PCDHGB7: variants seen among roughly 807,000 people sequenced by gnomAD.
PCDHGB7 encodes the protein protocadherin gamma-B7.
Under a neutral mutation model 61.4 loss-of-function variants are expected in PCDHGB7, and 37 were observed. The ratio of observed to expected loss-of-function variants is 0.60; its 90% CI spans 0.46 to 0.79. The LOEUF (loss-of-function observed/expected upper bound fraction) is 0.79. Ranked by LOEUF, PCDHGB7 falls within the 30% of genes least tolerant of loss-of-function variation. The probability of loss-of-function intolerance (pLI) is 0.00; values close to 1 mark genes in which losing one functional copy is unlikely to be tolerated. For synonymous variants in PCDHGB7, 464 were observed against 503.5 expected, an observed-to-expected ratio of 0.92 and a Z score of 1.05; for missense variants, 1,166 against 1,202.5, an observed-to-expected ratio of 0.97 and a Z score of 0.45.
rs1286991812 is a variant in PCDHGB7 at position 141,432,170 on chromosome 5, C to T, written c.2415+11896C>T. The T allele has an allele frequency of 1.2e-6, 2 of 1,614,072 alleles. No homozygotes were observed. The highest frequency in any genetic ancestry group is 1.7e-6 in the Non-Finnish European group (2 of 1,180,036). ...AGAGAACAATCCCAGAGGAGTTTCC[C>T]TCGTCTCTGTGACCGCCCACGACCC... On this transcript the variant is annotated intron_variant, in intron 1 of 3. Coordinates refer to ENST00000398594, the MANE Select transcript of PCDHGB7 (RefSeq NM_018927.4). This position sits in a 1 kb window ranked among gnomAD's most constrained non-coding sequence, Gnocchi z 6.0.
intron 1 of PCDHGB7, among the ~76,000 whole-genome samples, chr5:141,450,782 C>G (rs1012152203): frequency 6.6e-6 from 1 of 151,236 alleles, no homozygotes; most frequent in Non-Finnish European, 1.5e-5. Context: ...CCACCGTGCC[C>G]GGACCTCATG....
rs1456184444 is a variant in PCDHGB7, at chr5:141,512,578, C to T, written c.*1405C>T. On this transcript the variant is annotated 3_prime_UTR_variant, in exon 4 of 4. Coordinates refer to ENST00000398594, the MANE Select transcript of PCDHGB7 (RefSeq NM_018927.4). ...ATAGACCTTCTTCTCCCACCCCCTT[C>T]TGCCCCTGGGTCCCCGGCCATCCAG... is the stretch of plus-strand genomic sequence containing the variant. 1 of 152,944 alleles carries T rather than the reference C, an allele frequency of 6.5e-6. No homozygotes were observed. The highest frequency in any genetic ancestry group is 1.5e-5 in the Non-Finnish European group (1 of 68,542). 9.5% of individuals were successfully genotyped at this position (152,944 alleles called of 1,614,324 possible). A position where few individuals can be genotyped will look rare whatever the true frequency, so the allele number is the denominator to read the frequency against.
In PCDHGB7 at chr5:141,441,804, C is replaced by CAT. The variant is rs1189673284; in HGVS notation, c.2415+21530_2415+21531insAT. The CAT allele has an allele frequency of 6.5e-4, 249 of 382,482 alleles. 2 individuals are homozygous for CAT. Among genetic ancestry groups the CAT allele is most frequent in the African/African-American group, 4.8e-3 (221 of 45,888 alleles). 23.7% of individuals were successfully genotyped at this position (382,482 alleles called of 1,614,324 possible). The stretch of plus-strand genomic sequence containing the variant: ...CCTGAATGACAACGCACCGCGGGTG[C>CAT]TGTACCCCAGCTCTGGAGCGCAATG... On this transcript the variant is annotated intron_variant, in intron 1 of 3. Transcript: ENST00000398594.
chr5:141,477,013 T>C lies in PCDHGB7; in HGVS notation c.2416-17794T>C. ...TGCGGCAACTATTCGCCTTAGACCT[T>C]GTAACCGGGATGCTGACAATCAAGG... On this transcript the variant is annotated intron_variant, in intron 1 of 3. Coordinates refer to ENST00000398594, the MANE Select transcript of PCDHGB7 (RefSeq NM_018927.4). The surrounding 1 kb of genome is among the most constrained non-coding windows in gnomAD (Gnocchi z 4.9). 6.2e-7 allele frequency: 1 copy of C among 1,614,204 alleles called. No homozygotes were observed. The highest frequency in any genetic ancestry group is 8.5e-7 in the Non-Finnish European group (1 of 1,180,028).
Position 141,491,935 on chromosome 5 carries a change from C to A in PCDHGB7, c.2416-2872C>A. 1 of 1,205,518 alleles carries A rather than the reference C, an allele frequency of 8.3e-7. No homozygotes were observed. Among genetic ancestry groups the A allele is most frequent in the South Asian group, 1.7e-5 (1 of 59,176 alleles). 74.7% of individuals were successfully genotyped at this position (1,205,518 alleles called of 1,614,324 possible). On this transcript the variant is annotated intron_variant, in intron 1 of 3. Transcript: ENST00000398594. The surrounding 1 kb of genome is among the most constrained non-coding windows in gnomAD (Gnocchi z 6.9). ...GACTGTGGGCGAGGGGAGGTGGGACCGACCCCCACCCCTACACTCAAAAAA... is the reference window on the plus strand; with the variant it reads ...GACTGTGGGCGAGGGGAGGTGGGACAGACCCCCACCCCTACACTCAAAAAA...
At chr5:141,428,120 C>A in intron 1 of PCDHGB7, 1 of 1,606,526 alleles carries the variant, frequency 6.2e-7, no homozygotes, top group Non-Finnish European at 8.5e-7. Flanking sequence ...CCATCGAGCC[C>A]GGGCTTTTCA....
At chr5:141,495,896 CTCTG>C (rs1175207502) in intron 2 of PCDHGB7, among the ~76,000 whole-genome samples, 2 of 152,108 alleles carry the variant, frequency 1.3e-5, no homozygotes, top group Non-Finnish European at 2.9e-5. Flanking sequence ...CTCTCTTTGT[CTCTG>C]TCTCTGTATA....
chr5:141,423,972 T>A (rs1459859824), intron 1 of PCDHGB7: 2 of 1,128,544 alleles, frequency 1.8e-6, no homozygotes, highest in African/African-American at 3.3e-5. Flanking sequence ...CTATTATCAG[T>A]GTATGAGGCT....
intron 1 of PCDHGB7, among the ~76,000 whole-genome samples, chr5:141,455,407 A>T (rs1273781307): frequency 1.3e-5 from 2 of 152,174 alleles, no homozygotes; most frequent in Non-Finnish European, 2.9e-5. Context: ...TTACAGAGAC[A>T]GAGGGAGCGG....
Position 141,434,451 on chromosome 5 carries a change from A to T in PCDHGB7, c.2415+14177A>T, listed in dbSNP as rs145324240. 3.9e-3 allele frequency among the ~76,000 whole-genome samples: 589 copies of T among 152,326 alleles called. 6 individuals carry two copies. The highest frequency in any genetic ancestry group is 0.011 in the Admixed American group (170 of 15,298). ...GGCCGTAATGCCCATGCTGGAAGGTAGTGGGTTTACCGGAATGAGGGCAAG... is the reference window on the plus strand; with the variant it reads ...GGCCGTAATGCCCATGCTGGAAGGTTGTGGGTTTACCGGAATGAGGGCAAG... On this transcript the variant is annotated intron_variant, in intron 1 of 3. Transcript: ENST00000398594.
At chr5:141,478,020 A>G (rs1315422039) in intron 1 of PCDHGB7, 2 of 1,613,976 alleles carry the variant, frequency 1.2e-6, no homozygotes, top group Non-Finnish European at 1.7e-6. Flanking sequence ...CGTCCAGTCC[A>G]AGACACAGAT....
At chr5:141,423,429 A>G (rs1590473158) in intron 1 of PCDHGB7, 2 of 1,613,960 alleles carry the variant, frequency 1.2e-6, no homozygotes, top group African/African-American at 1.3e-5. Flanking sequence ...GCGGGTTGGC[A>G]GGTATGCCCA....
chr5:141,469,756 A>G (rs2099210350), intron 1 of PCDHGB7, among the ~76,000 whole-genome samples: 1 of 152,252 alleles, frequency 6.6e-6, no homozygotes. Context: ...ACAAAAATAC[A>G]TATATACCAG....
At chr5:141,505,583 T>C (rs2099846941) in intron 3 of PCDHGB7, 102 bp downstream of exon 3, 3 of 1,583,532 alleles carry the variant, frequency 1.9e-6, no homozygotes, top group Non-Finnish European at 2.6e-6. Flanking sequence ...ACCTGTGTAG[T>C]TTCTCCAGAT....
At chr5:141,433,853 A>G (rs934981508) in intron 1 of PCDHGB7, among the ~76,000 whole-genome samples, 1 of 152,026 alleles carries the variant, frequency 6.6e-6, no homozygotes, top group Non-Finnish European at 1.5e-5. Flanking sequence ...AAAAAAAAAA[A>G]AACTTTATCC....
rs780578882 is a variant in PCDHGB7 at position 141,486,578 on chromosome 5, C to T, written c.2416-8229C>T. On this transcript the variant is annotated intron_variant, in intron 1 of 3. Coordinates refer to ENST00000398594, the MANE Select transcript of PCDHGB7 (RefSeq NM_018927.4). This position sits in a 1 kb window ranked among gnomAD's most constrained non-coding sequence, Gnocchi z 5.0. ...TGAGGTGTTTGTTCCTGAGAACAAT[C>T]GCCCAGGGGACCTGCTTTGCTCCCT... 1.6e-5 allele frequency: 26 copies of T among 1,613,728 alleles called. No homozygotes were observed. The highest frequency in any genetic ancestry group is 2.2e-5 in the South Asian group (2 of 91,072).
At chr5:141,448,580 TTACAAAAAGATAAAA>T (rs1484851220) in intron 1 of PCDHGB7, among the ~76,000 whole-genome samples, 1 of 152,180 alleles carries the variant, frequency 6.6e-6, no homozygotes, top group Non-Finnish European at 1.5e-5. Context: ...CCCATTTTTT[TTACAAAAAGATAAAA>T]TACTATACAC....
At chr5:141,492,505 C>A (rs1009723421) in intron 1 of PCDHGB7, among the ~76,000 whole-genome samples, 1 of 152,212 alleles carries the variant, frequency 6.6e-6, no homozygotes, top group Admixed American at 6.5e-5. Context: ...GACTCCGGAG[C>A]CTCCTCTCAC....
chr5:141,487,275 G>T lies in PCDHGB7; in HGVS notation c.2416-7532G>T, dbSNP rs747253888. 2.5e-6 allele frequency: 4 copies of T among 1,614,158 alleles called. No homozygotes were observed. The highest frequency in any genetic ancestry group is 1.1e-5 in the South Asian group (1 of 91,074). On this transcript the variant is annotated intron_variant, in intron 1 of 3. Coordinates refer to ENST00000398594, the MANE Select transcript of PCDHGB7 (RefSeq NM_018927.4). The surrounding 1 kb of genome is among the most constrained non-coding windows in gnomAD (Gnocchi z 5.0). ...TTGGCTGTGTCCCTAGTGGCAATTT[G>T]CTTTGTCTCCTTTGGCTCATTCGTG...
Sources: gnomAD v4.1 joint callset for allele counts (sites outside exome capture counted in the v4.1 genomes callset) on GRCh38, gnomAD v4.1.1 for gene constraint, Gnocchi (gnomAD v3.1) non-coding constraint, MANE v1.5 for transcripts, NCBI Gene and HGNC (gene_info 2026-07-23, HGNC 2026-07-21) for gene names.